Variants in CSMD2 observed in about 807,000 individuals in gnomAD.
CSMD2 encodes the protein CUB and Sushi multiple domains 2.
CSMD2 carries 130 observed loss-of-function variants against 398.5 expected under a neutral mutation model. The ratio of observed to expected loss-of-function variants is 0.33; its 90% CI spans 0.28 to 0.38. The LOEUF is 0.38. Ranked by LOEUF, CSMD2 falls within the 10% of genes least tolerant of loss-of-function variation. The pLI, the probability that CSMD2 is intolerant of heterozygous loss-of-function variation, is 1.00. For synonymous variants in CSMD2, 1,828 were observed against 1,908.5 expected, an observed-to-expected ratio of 0.96 and a Z score of 1.10; for missense variants, 3,829 against 4,764.9, an observed-to-expected ratio of 0.80 and a Z score of 5.78.
intron 55 of CSMD2, 117 bp downstream of exon 55, chr1:33,557,617 G>C (rs1218633402): frequency 1.4e-5 from 9 of 661,238 alleles, no homozygotes; most frequent in African/African-American, 3.7e-5. Flanking sequence ...TACATGTGCA[G>C]ACACACACAC....
Position 33,698,735 on chromosome 1 carries a change from G to A in CSMD2, c.3925+18C>T. 3 of 1,603,728 alleles carry A rather than the reference G, an allele frequency of 1.9e-6. No homozygotes were observed. In the South Asian group the frequency reaches 3.4e-5, roughly 18 times the overall value. On this transcript the variant is annotated intron_variant, in intron 24 of 70. Transcript: ENST00000373381. Reference sequence around the variant, plus strand: ...ATGGGAGACCCAAGGGTTCCCTGCAGAGGAAGAGCCCTCCTACCGACACAG... The same window carrying A: ...ATGGGAGACCCAAGGGTTCCCTGCAAAGGAAGAGCCCTCCTACCGACACAG...
intron 1 of CSMD2, among the ~76,000 whole-genome samples, chr1:34,103,745 G>A (rs1020040): frequency 0.93 from 142,071 of 151,978 alleles, 67,053 homozygotes; most frequent in East Asian, 1. Context: ...GGTTATTGCC[G>A]TTAACAATGA....
At chr1:33,932,359 C>T (rs1246462464) in intron 4 of CSMD2, among the ~76,000 whole-genome samples, 6 of 152,034 alleles carry the variant, frequency 3.9e-5, no homozygotes, top group Non-Finnish European at 8.8e-5. Context: ...AGAGAAGAGG[C>T]CGAGCTGGGC....
chr1:33,744,840 G>C (rs1358130929), intron 13 of CSMD2, among the ~76,000 whole-genome samples: 1 of 152,100 alleles, frequency 6.6e-6, no homozygotes, highest in Non-Finnish European at 1.5e-5. Flanking sequence ...AGGCTTCATG[G>C]AATCTCATAC....
At chr1:33,964,907 C>G (rs1425631194) in intron 3 of CSMD2, among the ~76,000 whole-genome samples, 1 of 152,238 alleles carries the variant, frequency 6.6e-6, no homozygotes, top group Non-Finnish European at 1.5e-5. Context: ...TGGTAGTGCT[C>G]ATAACACCTC....
intron 4 of CSMD2, among the ~76,000 whole-genome samples, chr1:33,932,844 GACA>G (rs1644356584): frequency 6.6e-6 from 1 of 152,234 alleles, no homozygotes; most frequent in Non-Finnish European, 1.5e-5. Context: ...GCAAGGAGAT[GACA>G]AAACCAAGAG....
chr1:33,699,581 A>C (rs1163951313), intron 23 of CSMD2, among the ~76,000 whole-genome samples: 1 of 152,076 alleles, frequency 6.6e-6, no homozygotes, highest in Non-Finnish European at 1.5e-5. Flanking sequence ...CTTCCACTGA[A>C]CCTCTTGCTG....
At chr1:34,008,738 T>C (rs1647144333) in intron 3 of CSMD2, among the ~76,000 whole-genome samples, 1 of 152,204 alleles carries the variant, frequency 6.6e-6, no homozygotes, top group Non-Finnish European at 1.5e-5. Flanking sequence ...TATTTATCTG[T>C]GTGGTTGCTT....
At chr1:33,923,245 T>C (rs1644012108) in intron 4 of CSMD2, among the ~76,000 whole-genome samples, 1 of 152,110 alleles carries the variant, frequency 6.6e-6, no homozygotes, top group African/African-American at 2.4e-5. Flanking sequence ...GGTGTGTGGG[T>C]CATGGGGATG....
chr1:33,961,260 G>C (rs567394662), intron 3 of CSMD2, among the ~76,000 whole-genome samples: 3 of 152,344 alleles, frequency 2.0e-5, no homozygotes, highest in Non-Finnish European at 4.4e-5. Context: ...ACAAGGGCCT[G>C]TGCTTCCCCC....
intron 3 of CSMD2, among the ~76,000 whole-genome samples, chr1:34,024,384 G>T (rs1414561919): frequency 3.3e-5 from 5 of 152,214 alleles, no homozygotes; most frequent in Admixed American, 3.3e-4. Flanking sequence ...CAGGAAGACG[G>T]TCATGGCACT....
intron 15 of CSMD2, among the ~76,000 whole-genome samples, chr1:33,733,296 TTCC>T: frequency 6.6e-6 from 1 of 152,302 alleles, no homozygotes; most frequent in East Asian, 1.9e-4. Flanking sequence ...ACCACCTGTC[TTCC>T]ACTGTTTTGT....
chr1:34,086,904 T>C (rs1571065584), intron 2 of CSMD2, among the ~76,000 whole-genome samples: 1 of 151,982 alleles, frequency 6.6e-6, no homozygotes, highest in African/African-American at 2.4e-5. Context: ...CTTTTTCCCT[T>C]CCAGAACTCC....
intron 1 of CSMD2, among the ~76,000 whole-genome samples, chr1:34,143,490 C>T (rs1195709554): frequency 6.6e-6 from 1 of 152,140 alleles, no homozygotes; most frequent in Admixed American, 6.5e-5. Context: ...TTGTGATGCT[C>T]ACCACATTGC....
At chr1:33,926,336 T>A (rs1232293294) in intron 4 of CSMD2, among the ~76,000 whole-genome samples, 1 of 152,146 alleles carries the variant, frequency 6.6e-6, no homozygotes, top group Non-Finnish European at 1.5e-5. Context: ...CTCCTCCACA[T>A]CCCTGCTTGA....
chr1:34,018,056 T>C (rs1480862961), intron 3 of CSMD2, among the ~76,000 whole-genome samples: 2 of 152,156 alleles, frequency 1.3e-5, no homozygotes, highest in Non-Finnish European at 2.9e-5. Context: ...TTCACCCACA[T>C]CTCACTGCCT....
intron 3 of CSMD2, among the ~76,000 whole-genome samples, chr1:33,944,091 G>A (rs1339875566): frequency 6.6e-6 from 1 of 152,068 alleles, no homozygotes; most frequent in African/African-American, 2.4e-5. Context: ...TGTGAAAGCA[G>A]CCACAGGCAA....
intron 5 of CSMD2, among the ~76,000 whole-genome samples, chr1:33,892,132 T>C (rs1642067293): frequency 6.6e-6 from 1 of 151,472 alleles, no homozygotes; most frequent in African/African-American, 2.4e-5. Context: ...CACAAATATG[T>C]ATATTTGTGA....
At chr1:33,517,256 G>A (rs1343789507) in intron 70 of CSMD2, among the ~76,000 whole-genome samples, 1 of 152,174 alleles carries the variant, frequency 6.6e-6, no homozygotes, top group Non-Finnish European at 1.5e-5. Context: ...TGGTCAGAGG[G>A]GCCCTGCTGG....
Sources: gnomAD v4.1 joint callset for allele counts (sites outside exome capture counted in the v4.1 genomes callset) on GRCh38, gnomAD v4.1.1 for gene constraint, MANE v1.5 for transcripts, NCBI Gene and HGNC (gene_info 2026-07-23, HGNC 2026-07-21) for gene names.